Variants in NRP1 observed in about 807,000 individuals in gnomAD.
NRP1 encodes neuropilin 1.
In NRP1, 35 loss-of-function variants were observed where a neutral mutation model predicts 106.7. The ratio of observed to expected loss-of-function variants is 0.33; its 90% CI spans 0.25 to 0.43. NRP1 has a LOEUF of 0.43. NRP1 is among the 20% of genes least tolerant of loss of function. The pLI is 1.00. For synonymous variants in NRP1, 437 were observed against 417.9 expected (o/e 1.05, Z -0.56); for missense variants, 1,024 against 1,170.4 (o/e 0.87, Z 1.83).
At chr10:33,254,288 T>C in intron 5 of NRP1, 94 bp from the exon 6 acceptor site, 1 of 1,130,288 alleles carries the variant, frequency 8.8e-7, no homozygotes, top group South Asian at 1.6e-5. Context: ...AGTTCTTTCA[T>C]TCAAAATTCT....
In NRP1 at chr10:33,334,375, C is replaced by G. The variant is rs866275912; in HGVS notation, c.8G>C (p.Arg3Thr). Residue 3 changes from arginine (R) to threonine (T), a missense_variant, in exon 1 of 17, where the codon AGG (arginine) becomes ACG (threonine). Arg to Thr is a moderately conservative substitution (Grantham distance 71, BLOSUM62 -1). This residue lies in a region of NRP1 where 279 missense variants were observed against 327.4 expected (regional missense o/e 0.85). Transcript: ENST00000374867. The part of the protein sequence containing the change: ME[R>T]GLPLLCAVLA... ...CACGGCGCAGAGGAGCGGCAGCCCC[C>G]TCTCCATTCTCCCTTCTCCGGGTCC... 94 of 1,545,458 alleles carry G rather than the reference C, an allele frequency of 6.1e-5. No homozygotes were observed. The highest frequency in any genetic ancestry group is 7.0e-5 in the Non-Finnish European group (80 of 1,147,172).
At chr10:33,198,286 C>G (rs185474196) in intron 11 of NRP1, among the ~76,000 whole-genome samples, 22 of 151,794 alleles carry the variant, frequency 1.4e-4, no homozygotes, top group Non-Finnish European at 2.9e-4. Context: ...GGATTACAGG[C>G]GTGCACTACC....
intron 4 of NRP1, among the ~76,000 whole-genome samples, chr10:33,259,430 G>A (rs1419010900): frequency 3.3e-5 from 5 of 152,184 alleles, no homozygotes; most frequent in Non-Finnish European, 7.3e-5. Context: ...GAGCGAGAGT[G>A]GATGAAGTAC....
chr10:33,317,983 C>T (rs1490221301), intron 2 of NRP1, among the ~76,000 whole-genome samples: 2 of 152,184 alleles, frequency 1.3e-5, no homozygotes, highest in Non-Finnish European at 2.9e-5. Context: ...ACAGTCTGAA[C>T]TTATTTAAGG....
intron 2 of NRP1, among the ~76,000 whole-genome samples, chr10:33,306,385 T>TGTGTGTGTGTGTGTGC (rs151172200): frequency 1.3e-5 from 2 of 150,986 alleles, no homozygotes; most frequent in African/African-American, 2.4e-5. Context: ...TGTGTGTGTG[T>TGTGTGTGTGTGTGTGC]GCACGCTCCT....
chr10:33,253,955 T>G, intron 6 of NRP1, 73 bp downstream of exon 6: 2 of 1,442,906 alleles, frequency 1.4e-6, no homozygotes, highest in Non-Finnish European at 1.9e-6. Context: ...ACAGTACCAC[T>G]TTCTTTCAAC....
chr10:33,299,591 C>G (rs1379738842), intron 2 of NRP1, among the ~76,000 whole-genome samples: 4 of 152,048 alleles, frequency 2.6e-5, no homozygotes, highest in Non-Finnish European at 5.9e-5. Context: ...CCAGCCTGGG[C>G]AACATAGTGA....
intron 4 of NRP1, among the ~76,000 whole-genome samples, chr10:33,262,084 G>A (rs1000516416): frequency 2.0e-5 from 3 of 152,226 alleles, no homozygotes; most frequent in East Asian, 3.9e-4. Flanking sequence ...ATTCTTTTGA[G>A]AATAGTATCT....
chr10:33,291,440 C>T (rs1844984317), intron 2 of NRP1, among the ~76,000 whole-genome samples: 1 of 152,196 alleles, frequency 6.6e-6, no homozygotes, highest in South Asian at 2.1e-4. Flanking sequence ...GAAACAAACA[C>T]ATATTTCTCC....
Position 33,179,965 on chromosome 10 carries a change from A to G in NRP1, c.*111T>C. The G allele has an allele frequency of 9.1e-7, 1 of 1,097,516 alleles. No individual in the cohort carries two copies. Among genetic ancestry groups the G allele is most frequent in the Non-Finnish European group, 1.3e-6 (1 of 747,898 alleles). 68.0% of individuals were successfully genotyped at this position (1,097,516 alleles called of 1,614,324 possible). A position where few individuals can be genotyped will look rare whatever the true frequency, so the allele number is the denominator to read the frequency against. On this transcript the variant is annotated 3_prime_UTR_variant, in exon 17 of 17. Coordinates refer to ENST00000374867, the MANE Select transcript of NRP1 (RefSeq NM_003873.7). ...GAAGCTCCTGAGAAAAGCCTGGCTC[A>G]GTGGTCATCAACACACTTCCCAGCC...
chr10:33,309,514 T>C (rs1296956542), intron 2 of NRP1, among the ~76,000 whole-genome samples: 1 of 152,266 alleles, frequency 6.6e-6, no homozygotes, highest in African/African-American at 2.4e-5. Context: ...GTGAAGCTGC[T>C]GCCTCAAGGG....
At chr10:33,318,656 CACAA>C (rs955577514) in intron 2 of NRP1, among the ~76,000 whole-genome samples, 2 of 151,886 alleles carry the variant, frequency 1.3e-5, no homozygotes, top group Admixed American at 6.6e-5. Flanking sequence ...GTAGTAAACA[CACAA>C]ACAAACAAAA....
intron 2 of NRP1, among the ~76,000 whole-genome samples, chr10:33,275,608 C>T (rs558312484): frequency 9.2e-5 from 14 of 151,728 alleles, no homozygotes; most frequent in Non-Finnish European, 1.9e-4. Context: ...AAAAAAAAAC[C>T]ATGTTCAGGC....
chr10:33,289,189 C>T (rs1193592786), intron 2 of NRP1, among the ~76,000 whole-genome samples: 1 of 152,174 alleles, frequency 6.6e-6, no homozygotes. Context: ...CTACAAATCA[C>T]ATAAATCACT....
intron 2 of NRP1, among the ~76,000 whole-genome samples, chr10:33,309,918 C>T (rs1846449011): frequency 6.6e-6 from 1 of 150,980 alleles, no homozygotes; most frequent in South Asian, 2.1e-4. Context: ...TCAAAATGTT[C>T]GAAATAGGAC....
At chr10:33,287,142 C>T (rs1364654244) in intron 2 of NRP1, among the ~76,000 whole-genome samples, 1 of 152,124 alleles carries the variant, frequency 6.6e-6, no homozygotes, top group Non-Finnish European at 1.5e-5. Flanking sequence ...GTTAACAGCT[C>T]AAATACTACT....
intron 6 of NRP1, among the ~76,000 whole-genome samples, chr10:33,235,036 A>T (rs1016451679): frequency 6.6e-6 from 1 of 152,194 alleles, no homozygotes; most frequent in Non-Finnish European, 1.5e-5. Context: ...ATGAAAGGAG[A>T]TAGTGCTTAC....
chr10:33,256,513 T>G (rs1842208307), intron 4 of NRP1, 42 bp from the exon 5 acceptor site: 1 of 1,601,216 alleles, frequency 6.2e-7, no homozygotes, highest in Admixed American at 1.7e-5. Context: ...ATGTCTTTTC[T>G]CCTGCAGCAG....
At chr10:33,206,026 G>A (rs774088898) in intron 10 of NRP1, 1 of 345,170 alleles carries the variant, frequency 2.9e-6, no homozygotes. Context: ...ACAGCTTGGA[G>A]GTTAGAAGCA....
Sources: gnomAD v4.1 joint callset for allele counts (sites outside exome capture counted in the v4.1 genomes callset) on GRCh38, gnomAD v4.1.1 for gene constraint, gnomAD v4.1.1 regional missense constraint, MANE v1.5 for transcripts, NCBI Gene and HGNC (gene_info 2026-07-23, HGNC 2026-07-21) for gene names.